The following DENND1A variants were observed in gnomAD, a reference collection of about 807,000 sequenced individuals.
DENND1A encodes the protein DENN domain-containing protein 1A.
DENND1A carries 51 observed loss-of-function variants against 113.7 expected under a neutral mutation model. The observed-to-expected ratio is 0.45, with a 90% CI of 0.36 to 0.57. The LOEUF (loss-of-function observed/expected upper bound fraction) is 0.57. Ranked by LOEUF, DENND1A falls within the 20% of genes least tolerant of loss-of-function variation. The probability of loss-of-function intolerance (pLI) is 0.00; values close to 1 mark genes in which losing one functional copy is unlikely to be tolerated. For synonymous variants in DENND1A, 565 were observed against 570.8 expected (o/e 0.99, Z 0.14); for missense variants, 1,258 against 1,395.9 (o/e 0.90, Z 1.57).
chr9:123,439,728 C>CT (rs1187470767), intron 19 of DENND1A: 6 of 152,094 alleles, frequency 3.9e-5, no homozygotes, highest in Admixed American at 2.6e-4. Flanking sequence ...GGTACATAAT[C>CT]TTTTTTAACC....
intron 3 of DENND1A, among the ~76,000 whole-genome samples, chr9:123,790,540 A>G (rs1819375506): frequency 6.6e-6 from 1 of 152,194 alleles, no homozygotes; most frequent in Admixed American, 6.6e-5. Context: ...TCAACAAAGA[A>G]AACAAATACT....
At chr9:123,748,442 T>C (rs2069717243) in intron 5 of DENND1A, among the ~76,000 whole-genome samples, 1 of 152,230 alleles carries the variant, frequency 6.6e-6, no homozygotes, top group Non-Finnish European at 1.5e-5. Flanking sequence ...ACTTCAATCA[T>C]GGTACTACGA....
intron 21 of DENND1A, chr9:123,401,948 A>G (rs1288632073): frequency 3.1e-6 from 5 of 1,614,012 alleles, no homozygotes; most frequent in Non-Finnish European, 4.2e-6. Flanking sequence ...TTTACATCTC[A>G]ATATCAACAG....
At chr9:123,613,963 G>T (rs566077288) in intron 10 of DENND1A, among the ~76,000 whole-genome samples, 72 of 152,182 alleles carry the variant, frequency 4.7e-4, no homozygotes, top group Non-Finnish European at 9.7e-4. Flanking sequence ...TCTGTTGCTG[G>T]TGTTGAGGCA....
chr9:123,502,858 T>G lies in DENND1A; in HGVS notation c.994-44961A>C, dbSNP rs1385062868. ...CTTGATCTATTTTGAGCCCACTAACTTTCTAACATGGCTACAGAGAAACAT... is the reference window on the plus strand; with the variant it reads ...CTTGATCTATTTTGAGCCCACTAACGTTCTAACATGGCTACAGAGAAACAT... On this transcript the variant is annotated intron_variant, in intron 13 of 23. Transcript: ENST00000394215. Among the ~76,000 whole-genome samples the G allele has an allele frequency of 2.0e-5, 3 of 152,206 alleles. No individual in the cohort carries two copies. The East Asian group carries it at 5.8e-4, about 29-fold the overall frequency.
At chr9:123,816,976 T>C (rs1359084699) in intron 2 of DENND1A, among the ~76,000 whole-genome samples, 3 of 152,192 alleles carry the variant, frequency 2.0e-5, no homozygotes, top group Non-Finnish European at 4.4e-5. Flanking sequence ...AACTAGTCTC[T>C]TATCTGCAGT....
intron 12 of DENND1A, 54 bp downstream of exon 12, chr9:123,583,115 C>G: frequency 7.3e-7 from 1 of 1,361,824 alleles, no homozygotes; most frequent in Non-Finnish European, 1.0e-6. Context: ...AAGTCACGTT[C>G]ATTTCCTTTG....
At chr9:123,737,513 C>G (rs998113480) in intron 5 of DENND1A, among the ~76,000 whole-genome samples, 1 of 152,082 alleles carries the variant, frequency 6.6e-6, no homozygotes, top group Non-Finnish European at 1.5e-5. Flanking sequence ...AAGGGCAACC[C>G]ACTATACAAC....
intron 8 of DENND1A, among the ~76,000 whole-genome samples, chr9:123,653,480 T>G (rs2062769164): frequency 6.6e-6 from 1 of 152,248 alleles, no homozygotes; most frequent in African/African-American, 2.4e-5. Flanking sequence ...GCACATCTAT[T>G]GTTTGAAAGA....
chr9:123,465,582 C>A (rs2048881110), intron 13 of DENND1A, among the ~76,000 whole-genome samples: 1 of 152,140 alleles, frequency 6.6e-6, no homozygotes, highest in Non-Finnish European at 1.5e-5. Context: ...GATTCTTTCA[C>A]AATAGACTTT....
chr9:123,917,531 C>T (rs1855381113), intron 1 of DENND1A, among the ~76,000 whole-genome samples: 1 of 152,048 alleles, frequency 6.6e-6, no homozygotes, highest in African/African-American at 2.4e-5. Flanking sequence ...CTGCTATAGT[C>T]TAGAACTGGA....
At chr9:123,539,524 A>C (rs1361990983) in intron 13 of DENND1A, among the ~76,000 whole-genome samples, 4 of 152,156 alleles carry the variant, frequency 2.6e-5, no homozygotes, top group Non-Finnish European at 5.9e-5. Flanking sequence ...TGAAATCAAG[A>C]TAGTGGTTAC....
At chr9:123,832,717 T>C (rs1840416712) in intron 2 of DENND1A, among the ~76,000 whole-genome samples, 1 of 152,102 alleles carries the variant, frequency 6.6e-6, no homozygotes, top group South Asian at 2.1e-4. Flanking sequence ...AAGGATAATC[T>C]CACAAATACA....
intron 9 of DENND1A, among the ~76,000 whole-genome samples, chr9:123,636,978 C>T (rs2061738968): frequency 6.6e-6 from 1 of 152,218 alleles, no homozygotes; most frequent in Admixed American, 6.5e-5. Context: ...GCGTGAGCCA[C>T]CGCGCCCGGC....
At chr9:123,425,668 A>G (rs2045665500) in intron 19 of DENND1A, among the ~76,000 whole-genome samples, 1 of 152,244 alleles carries the variant, frequency 6.6e-6, no homozygotes, top group African/African-American at 2.4e-5. Flanking sequence ...GAGGGTGCCA[A>G]GGATACAGAG....
At chr9:123,831,656 A>G (rs1840234628) in intron 2 of DENND1A, among the ~76,000 whole-genome samples, 2 of 152,174 alleles carry the variant, frequency 1.3e-5, no homozygotes, top group Admixed American at 6.5e-5. Flanking sequence ...GGCAATGTGG[A>G]AAAGTAGAGA....
intron 2 of DENND1A, among the ~76,000 whole-genome samples, chr9:123,824,005 A>C (rs181802374): frequency 6.6e-6 from 1 of 152,326 alleles, no homozygotes; most frequent in Non-Finnish European, 1.5e-5. Context: ...TCGCACACCT[A>C]ATAAACATCA....
chr9:123,928,746 T>C, intron 1 of DENND1A: 1 of 985,462 alleles, frequency 1.0e-6, no homozygotes, highest in Non-Finnish European at 1.2e-6. Flanking sequence ...GGACATGAGA[T>C]GCAATGTTTG....
chr9:123,407,154 AG>A (rs932496070), intron 20 of DENND1A, among the ~76,000 whole-genome samples: 1 of 2,576 alleles, frequency 3.9e-4, no homozygotes, highest in African/African-American at 2.0e-3. Flanking sequence ...CAGACAGAGC[AG>A]GGGGGGAGGG....
Sources: gnomAD v4.1 joint callset for allele counts (sites outside exome capture counted in the v4.1 genomes callset) on GRCh38, gnomAD v4.1.1 for gene constraint, MANE v1.5 for transcripts, NCBI Gene and HGNC (gene_info 2026-07-23, HGNC 2026-07-21) for gene names.